The following MMP16 variants were observed in gnomAD, a reference collection of about 807,000 sequenced individuals.
The protein encoded by MMP16 is matrix metallopeptidase 16.
Under a neutral mutation model 67.8 loss-of-function variants are expected in MMP16, and 12 were observed. The observed-to-expected ratio is 0.18, with a 90% CI of 0.11 to 0.29. The LOEUF (loss-of-function observed/expected upper bound fraction) is 0.29, where lower values mean the gene tolerates loss of function less well. Ranked by LOEUF, MMP16 falls within the 10% of genes least tolerant of loss-of-function variation. MMP16 has a pLI of 1.00. For synonymous variants in MMP16, 249 were observed against 255.9 expected, an observed-to-expected ratio of 0.97 and a Z score of 0.26; for missense variants, 475 against 765.7, an observed-to-expected ratio of 0.62 and a Z score of 4.48.
intron 6 of MMP16, among the ~76,000 whole-genome samples, chr8:88,086,522 T>A (rs1014646006): frequency 6.6e-6 from 1 of 151,934 alleles, no homozygotes; most frequent in African/African-American, 2.4e-5. Flanking sequence ...TTCAAAATGC[T>A]GTGTAAAATG....
At chr8:88,183,776 C>A (rs1194014166) in intron 3 of MMP16, among the ~76,000 whole-genome samples, 1 of 126,436 alleles carries the variant, frequency 7.9e-6, no homozygotes, top group East Asian at 2.5e-4. Context: ...AGTGCAATGG[C>A]GCGATCTCGG....
intron 4 of MMP16, among the ~76,000 whole-genome samples, chr8:88,128,107 G>A (rs1035209629): frequency 1.1e-4 from 17 of 151,854 alleles, no homozygotes; most frequent in Middle Eastern, 3.2e-3. Context: ...TTACCTGCAT[G>A]CTGCGGAGAA....
chr8:88,044,362 A>T (rs917706758), intron 9 of MMP16, among the ~76,000 whole-genome samples: 6 of 152,222 alleles, frequency 3.9e-5, no homozygotes, highest in Admixed American at 3.9e-4. Context: ...TAAGCATTTG[A>T]AAGGAAGTAG....
intron 1 of MMP16, among the ~76,000 whole-genome samples, chr8:88,267,995 AT>A (rs75480030): frequency 0.075 from 11,480 of 152,250 alleles, 415 homozygotes; most frequent in South Asian, 0.091. Flanking sequence ...TCTGTATAAA[AT>A]AGAAGATCCT....
chr8:88,093,846 T>A (rs554619049), intron 6 of MMP16, among the ~76,000 whole-genome samples: 1 of 151,968 alleles, frequency 6.6e-6, no homozygotes, highest in African/African-American at 2.4e-5. Context: ...TTTTCCTCCC[T>A]TTATTTCTAT....
intron 4 of MMP16, among the ~76,000 whole-genome samples, chr8:88,119,286 T>G (rs1245570896): frequency 6.6e-6 from 1 of 152,008 alleles, no homozygotes; most frequent in African/African-American, 2.4e-5. Context: ...TTTACAAAGA[T>G]GAGTAAATTA....
At chr8:88,326,870 T>C in intron 1 of MMP16, 1 of 542,156 alleles carries the variant, frequency 1.8e-6, no homozygotes, top group Non-Finnish European at 3.2e-6. Flanking sequence ...TCGTGCTTTG[T>C]GCTGCCGGGG....
chr8:88,233,253 C>A (rs908175386), intron 1 of MMP16, among the ~76,000 whole-genome samples: 5 of 152,064 alleles, frequency 3.3e-5, no homozygotes, highest in Non-Finnish European at 7.4e-5. Context: ...TTTAAAGTTG[C>A]CGATCAGATA....
At chr8:88,124,199 C>T (rs148832408) in intron 4 of MMP16, among the ~76,000 whole-genome samples, 12 of 151,946 alleles carry the variant, frequency 7.9e-5, no homozygotes, top group African/African-American at 2.9e-4. Flanking sequence ...GTACACAGGA[C>T]TATTATTATG....
At chr8:88,190,688 T>C (rs1446766493) in intron 2 of MMP16, among the ~76,000 whole-genome samples, 1 of 152,154 alleles carries the variant, frequency 6.6e-6, no homozygotes, top group East Asian at 1.9e-4. Flanking sequence ...TATAACTATA[T>C]CTATATCCAC....
intron 4 of MMP16, among the ~76,000 whole-genome samples, chr8:88,155,683 T>A (rs960231124): frequency 3.2e-4 from 48 of 152,140 alleles, no homozygotes; most frequent in African/African-American, 1.1e-3. Flanking sequence ...CTTCATACTT[T>A]CCTAGAAATG....
intron 3 of MMP16, among the ~76,000 whole-genome samples, chr8:88,170,063 AT>A (rs1362867399): frequency 1.3e-5 from 2 of 152,146 alleles, no homozygotes; most frequent in African/African-American, 2.4e-5. Flanking sequence ...ACCAGTAGAG[AT>A]TTTGAGAAGT....
At chr8:88,222,989 A>C (rs2129851195) in intron 1 of MMP16, among the ~76,000 whole-genome samples, 1 of 152,332 alleles carries the variant, frequency 6.6e-6, no homozygotes, top group Non-Finnish European at 1.5e-5. Context: ...GAACTTAAAC[A>C]AATTTACAAG....
chr8:88,138,774 T>C (rs1808163944), intron 4 of MMP16, among the ~76,000 whole-genome samples: 1 of 152,130 alleles, frequency 6.6e-6, no homozygotes, highest in African/African-American at 2.4e-5. Flanking sequence ...TCTCATGTCT[T>C]GGATATCCTG....
chr8:88,080,216 T>G (rs1808722475), intron 6 of MMP16, among the ~76,000 whole-genome samples: 1 of 152,160 alleles, frequency 6.6e-6, no homozygotes, highest in Non-Finnish European at 1.5e-5. Flanking sequence ...ACTAGACAGA[T>G]CTCCCAATTT....
In MMP16 at chr8:88,058,082, T is replaced by C. The variant is rs1808353538; in HGVS notation, c.1223-1804A>G. On this transcript the variant is annotated intron_variant, in intron 7 of 9. Coordinates refer to ENST00000286614, the MANE Select transcript of MMP16 (RefSeq NM_005941.5). The surrounding 1 kb of genome is among the most constrained non-coding windows in gnomAD (Gnocchi z 4.2). ...CTAAAGAAAGAGAAGGTAATAAATATGCAAAGAATATTGGGAAGTGCATTC... is the reference window on the plus strand; with the variant it reads ...CTAAAGAAAGAGAAGGTAATAAATACGCAAAGAATATTGGGAAGTGCATTC... Among the ~76,000 whole-genome samples the C allele has an allele frequency of 6.6e-6, 1 of 152,246 alleles. No individual in the cohort carries two copies. Among genetic ancestry groups the C allele is most frequent in the South Asian group, 2.1e-4 (1 of 4,832 alleles).
At chr8:88,284,652 G>T (rs1425619453) in intron 1 of MMP16, among the ~76,000 whole-genome samples, 1 of 152,090 alleles carries the variant, frequency 6.6e-6, no homozygotes, top group Non-Finnish European at 1.5e-5. Flanking sequence ...AATGGAGATG[G>T]CTAGAAGAAC....
Position 88,137,933 on chromosome 8 carries a change from A to G in MMP16, c.710-19072T>C, listed in dbSNP as rs142441618. Reference sequence around the variant, plus strand: ...ATACATCTATTGAGTTGTTAATTTCAGTTATTGTATATTTTTAGTTCTAGG... The same window carrying G: ...ATACATCTATTGAGTTGTTAATTTCGGTTATTGTATATTTTTAGTTCTAGG... On this transcript the variant is annotated intron_variant, in intron 4 of 9. Transcript: ENST00000286614. Among the ~76,000 whole-genome samples, 1,010 of 152,022 alleles carry G rather than the reference A, an allele frequency of 6.6e-3. 15 individuals carry two copies. Among genetic ancestry groups the G allele is most frequent in the African/African-American group, 0.022 (897 of 41,498 alleles).
intron 4 of MMP16, among the ~76,000 whole-genome samples, chr8:88,135,230 T>C (rs1586168880): frequency 1.3e-5 from 2 of 151,848 alleles, no homozygotes; most frequent in Admixed American, 1.3e-4. Flanking sequence ...TTAATGAGCT[T>C]AGTCTGATAA....
Sources: gnomAD v4.1 joint callset for allele counts (sites outside exome capture counted in the v4.1 genomes callset) on GRCh38, gnomAD v4.1.1 for gene constraint, Gnocchi (gnomAD v3.1) non-coding constraint, MANE v1.5 for transcripts, NCBI Gene and HGNC (gene_info 2026-07-23, HGNC 2026-07-21) for gene names.